Variants in SNX13 observed in about 807,000 individuals in gnomAD.
SNX13 encodes sorting nexin-13.
In SNX13, 45 loss-of-function variants were observed where a neutral mutation model predicts 133.6. The ratio of observed to expected loss-of-function variants is 0.34; its 90% confidence interval spans 0.27 to 0.43. The LOEUF (loss-of-function observed/expected upper bound fraction) is 0.43, where lower values mean the gene tolerates loss of function less well. Among genes scored for constraint, SNX13 ranks in the 20% least tolerant of loss-of-function variants. The probability of loss-of-function intolerance (pLI) is 1.00; values close to 1 mark genes in which losing one functional copy is unlikely to be tolerated. For missense variants in SNX13, 1,032 were observed against 1,145.1 expected (o/e 0.90, Z 1.43); for synonymous variants, 414 against 373.9 (o/e 1.11, Z -1.24).
At chr7:17,874,433 T>G (rs991183675) in intron 7 of SNX13, among the ~76,000 whole-genome samples, 1 of 152,222 alleles carries the variant, frequency 6.6e-6, no homozygotes, top group Admixed American at 6.5e-5. Context: ...TCAAAAGTTA[T>G]GCACAGAATT....
rs145635622 is a variant in SNX13, at chr7:17,889,053, G to C, written c.440+1310C>G. On this transcript the variant is annotated intron_variant, in intron 5 of 25. Coordinates refer to ENST00000428135, the MANE Select transcript of SNX13 (RefSeq NM_015132.5). Reference sequence around the variant, plus strand: ...CTTTCAAAGAAAAAAAAAGTCATCAGGATAGTGTTGCTATAGAAAGCAATA... The same window carrying C: ...CTTTCAAAGAAAAAAAAAGTCATCACGATAGTGTTGCTATAGAAAGCAATA... The C allele has an allele frequency of 1.4e-3, 249 of 179,420 alleles. 2 individuals carry two copies. The highest frequency in any genetic ancestry group is 5.4e-3 in the African/African-American group (227 of 41,830). The allele number at this position is 179,420 out of a possible 1,614,324, so 11.1% of individuals were successfully genotyped here.
intron 8 of SNX13, among the ~76,000 whole-genome samples, chr7:17,869,752 T>C (rs1793845923): frequency 6.6e-6 from 1 of 152,132 alleles, no homozygotes; most frequent in South Asian, 2.1e-4. Flanking sequence ...TCAAGGTTAG[T>C]TTTAGTCTCC....
chr7:17,867,157 T>C (rs1793493830), intron 9 of SNX13, among the ~76,000 whole-genome samples: 1 of 152,186 alleles, frequency 6.6e-6, no homozygotes, highest in Non-Finnish European at 1.5e-5. Flanking sequence ...AAAGCTTTTA[T>C]AGTGCCTAAT....
intron 18 of SNX13, among the ~76,000 whole-genome samples, chr7:17,819,007 T>C (rs141609422): frequency 1.7e-3 from 255 of 152,294 alleles, no homozygotes; most frequent in African/African-American, 5.8e-3. Flanking sequence ...AGGCAAGGAC[T>C]TAGTCTGTCT....
At chr7:17,825,953 G>A (rs1003878528) in intron 17 of SNX13, 69 bp downstream of exon 17, 1 of 1,152,344 alleles carries the variant, frequency 8.7e-7, no homozygotes, top group Non-Finnish European at 1.2e-6. Context: ...AAAATTAAGT[G>A]TGGAAAATTA....
At chr7:17,857,369 C>T (rs1359672670) in intron 9 of SNX13, among the ~76,000 whole-genome samples, 1 of 152,122 alleles carries the variant, frequency 6.6e-6, no homozygotes, top group Non-Finnish European at 1.5e-5. Context: ...GGAAGGAATA[C>T]TTTGAAACTC....
intron 5 of SNX13, among the ~76,000 whole-genome samples, chr7:17,878,194 T>A (rs192280318): frequency 4.6e-5 from 7 of 152,294 alleles, no homozygotes; most frequent in Non-Finnish European, 1.0e-4. Flanking sequence ...CAGTCAAAAC[T>A]CTTTTTCATT....
intron 20 of SNX13, among the ~76,000 whole-genome samples, chr7:17,809,282 C>CAAAAAAAAAAAAAA (rs535077123): frequency 2.4e-4 from 12 of 49,278 alleles, no homozygotes; most frequent in Admixed American, 9.7e-4. Context: ...AGATGGAAAG[C>CAAAAAAAAAAAAAA]AAAAAAAAAA....
At chr7:17,929,560 T>G (rs994052474) in intron 1 of SNX13, among the ~76,000 whole-genome samples, 9 of 152,176 alleles carry the variant, frequency 5.9e-5, no homozygotes, top group Non-Finnish European at 7.4e-5. Flanking sequence ...CTCACCTTTA[T>G]GCTCTAAGAC....
intron 8 of SNX13, among the ~76,000 whole-genome samples, chr7:17,868,968 C>A (rs1164799227): frequency 6.6e-6 from 1 of 152,020 alleles, no homozygotes; most frequent in East Asian, 1.9e-4. Context: ...CTGTATTATT[C>A]TCTATGCTTC....
At chr7:17,810,503 G>A (rs375346529) in intron 20 of SNX13, among the ~76,000 whole-genome samples, 204 of 152,236 alleles carry the variant, frequency 1.3e-3, no homozygotes, top group African/African-American at 4.5e-3. Context: ...AAAAGCCCAG[G>A]ACCAGATGGC....
chr7:17,875,037 ACT>A (rs1562822523), intron 7 of SNX13, among the ~76,000 whole-genome samples: 1 of 152,124 alleles, frequency 6.6e-6, no homozygotes, highest in African/African-American at 2.4e-5. Flanking sequence ...ACAGGGTCTC[ACT>A]CTCGTCACTC....
chr7:17,903,884 A>T (rs541134898), intron 1 of SNX13, among the ~76,000 whole-genome samples: 2 of 152,316 alleles, frequency 1.3e-5, no homozygotes, highest in South Asian at 2.1e-4. Flanking sequence ...TCTGAAAATC[A>T]ATTTATCCAT....
At chr7:17,878,068 G>A (rs1794928870) in intron 5 of SNX13, among the ~76,000 whole-genome samples, 1 of 152,002 alleles carries the variant, frequency 6.6e-6, no homozygotes, top group African/African-American at 2.4e-5. Flanking sequence ...TGTAATAAAT[G>A]CAATGTGAAA....
At chr7:17,895,179 T>C (rs940168483) in intron 2 of SNX13, among the ~76,000 whole-genome samples, 3 of 152,148 alleles carry the variant, frequency 2.0e-5, no homozygotes, top group African/African-American at 2.4e-5. Flanking sequence ...TGTGTAACGA[T>C]AGGAAGACAA....
chr7:17,911,467 C>T (rs911762475), intron 1 of SNX13, among the ~76,000 whole-genome samples: 6 of 151,856 alleles, frequency 4.0e-5, no homozygotes, highest in South Asian at 4.2e-4. Flanking sequence ...GGTGAAACCC[C>T]GCCTCTACCA....
intron 20 of SNX13, among the ~76,000 whole-genome samples, chr7:17,812,420 G>C (rs565677181): frequency 3.6e-4 from 55 of 152,308 alleles, no homozygotes; most frequent in African/African-American, 1.3e-3. Context: ...GGTCATTAGA[G>C]AAATGCATAT....
intron 12 of SNX13, among the ~76,000 whole-genome samples, 178 bp from the exon 13 acceptor site, chr7:17,840,178 A>T (rs1243640190): frequency 2.6e-5 from 4 of 152,060 alleles, no homozygotes; most frequent in Non-Finnish European, 5.9e-5. Flanking sequence ...ACGCTAAAAA[A>T]CCAGTTATGT....
At chr7:17,824,797 G>A (rs902832772) in intron 17 of SNX13, among the ~76,000 whole-genome samples, 4 of 150,014 alleles carry the variant, frequency 2.7e-5, no homozygotes, top group African/African-American at 9.9e-5. Flanking sequence ...TTGAGACGGA[G>A]TCTCGCTCTG....
Sources: gnomAD v4.1 joint callset for allele counts (sites outside exome capture counted in the v4.1 genomes callset) on GRCh38, gnomAD v4.1.1 for gene constraint, MANE v1.5 for transcripts, NCBI Gene and HGNC (gene_info 2026-07-23, HGNC 2026-07-21) for gene names.